FSTL4: variants seen among roughly 807,000 people sequenced by gnomAD.
The protein encoded by FSTL4 is follistatin-related protein 4.
Under a neutral mutation model 78.2 loss-of-function variants are expected in FSTL4, and 28 were observed. That is an observed-to-expected ratio of 0.36 (90% CI 0.27 to 0.49). The LOEUF (loss-of-function observed/expected upper bound fraction) is 0.49. Among genes scored for constraint, FSTL4 ranks in the 20% least tolerant of loss-of-function variants. The pLI is 0.98. For missense variants in FSTL4, 922 were observed against 1,084.9 expected (o/e 0.85, Z 2.11); for synonymous variants, 422 against 440.5 (o/e 0.96, Z 0.53).
At chr5:133,784,138 A>C in the FSTL4 span, among the ~76,000 whole-genome samples, 1 of 152,176 alleles carries the variant, frequency 6.6e-6, no homozygotes, top group African/African-American at 2.4e-5. Flanking sequence ...TAACATGAGA[A>C]GCTTTAGATA....
Position 133,499,487 on chromosome 5 carries a change from G to A in FSTL4, c.160+67699C>T, listed in dbSNP as rs146419330. Reference sequence around the variant, plus strand: ...CTGTGATCCGGGCTCTGAGGGTGGCGCGTCTAGTATCAGCTTGCACAAATT... The same window carrying A: ...CTGTGATCCGGGCTCTGAGGGTGGCACGTCTAGTATCAGCTTGCACAAATT... On this transcript the variant is annotated intron_variant, in intron 3 of 15. Coordinates refer to ENST00000265342, the MANE Select transcript of FSTL4 (RefSeq NM_015082.2). 7.6e-4 allele frequency among the ~76,000 whole-genome samples: 115 copies of A among 152,112 alleles called. 1 individual carries two copies. The highest frequency in any genetic ancestry group is 4.2e-3 in the South Asian group (20 of 4,812).
At position 133,281,648 on chromosome 5, in the gene FSTL4, C is replaced by T. The variant is rs141255298; in HGVS notation, c.727+31006G>A. Among the ~76,000 whole-genome samples the T allele has an allele frequency of 3.8e-3, 585 of 152,196 alleles. 6 individuals carry two copies. The highest frequency in any genetic ancestry group is 0.013 in the African/African-American group (530 of 41,524). On this transcript the variant is annotated intron_variant, in intron 6 of 15. Coordinates refer to ENST00000265342, the MANE Select transcript of FSTL4 (RefSeq NM_015082.2). ...TGGAAGGCTGTGATGGACAAGCAGA[C>T]GGAAGGGGAGTGGCCAGGGAGGGGT...
At chr5:133,767,617 G>A in the FSTL4 span, among the ~76,000 whole-genome samples, 2 of 152,232 alleles carry the variant, frequency 1.3e-5, no homozygotes, top group East Asian at 3.9e-4. Flanking sequence ...ATGAGTCAAG[G>A]GACAAGTGAG....
intron 4 of FSTL4, among the ~76,000 whole-genome samples, chr5:133,352,469 G>A (rs1274285332): frequency 6.6e-6 from 1 of 151,736 alleles, no homozygotes; most frequent in East Asian, 1.9e-4. Context: ...GAGTGTAGTG[G>A]TGTGATCTTG....
chr5:133,464,712 C>T (rs1757668394), intron 3 of FSTL4, among the ~76,000 whole-genome samples: 1 of 152,196 alleles, frequency 6.6e-6, no homozygotes, highest in Non-Finnish European at 1.5e-5. Context: ...ACCTGGAGGC[C>T]ACACAGAGTC....
At chr5:133,613,584 C>T (rs1391884942), upstream of FSTL4, among the ~76,000 whole-genome samples, 4 of 152,282 alleles carry the variant, frequency 2.6e-5, no homozygotes, top group South Asian at 6.2e-4. Context: ...ATTTTCCTGC[C>T]GCTGAACCCC....
intron 2 of FSTL4, among the ~76,000 whole-genome samples, chr5:133,572,488 A>C (rs1308589532): frequency 1.3e-5 from 2 of 152,142 alleles, no homozygotes; most frequent in Non-Finnish European, 2.9e-5. Context: ...AGACAAAAAA[A>C]CCCTGAGAGA....
chr5:133,638,155 T>A, the FSTL4 span, among the ~76,000 whole-genome samples: 57,988 of 151,666 alleles, frequency 0.38, 11,681 homozygotes, highest in Admixed American at 0.45. Context: ...TTTATCAGCA[T>A]ATCTTAGCTC....
intron 14 of FSTL4, among the ~76,000 whole-genome samples, chr5:133,206,994 T>A (rs566874368): frequency 6.6e-6 from 1 of 152,266 alleles, no homozygotes; most frequent in African/African-American, 2.4e-5. Flanking sequence ...TCCTCTTTGA[T>A]CCAATAGATA....
At chr5:133,684,187 G>A in the FSTL4 span, among the ~76,000 whole-genome samples, 19 of 152,212 alleles carry the variant, frequency 1.2e-4, no homozygotes, top group African/African-American at 4.3e-4. Context: ...TCAGTTAGAT[G>A]TCAAGCTCAG....
At chr5:133,452,592 A>T (rs1580718276) in intron 3 of FSTL4, among the ~76,000 whole-genome samples, 1 of 152,032 alleles carries the variant, frequency 6.6e-6, no homozygotes, top group East Asian at 1.9e-4. Flanking sequence ...AATCCTCACA[A>T]CTTCCTTATG....
At chr5:133,632,853 AT>A in the FSTL4 span, among the ~76,000 whole-genome samples, 2 of 151,650 alleles carry the variant, frequency 1.3e-5, no homozygotes, top group African/African-American at 2.4e-5. Flanking sequence ...CACTCAGCTA[AT>A]TTTTTTTGTA....
intron 6 of FSTL4, among the ~76,000 whole-genome samples, chr5:133,259,508 A>AT (rs1453730582): frequency 1.0e-4 from 13 of 129,028 alleles, no homozygotes; most frequent in Admixed American, 1.7e-4. Context: ...GATCAGAAGG[A>AT]TTTTTTTTTC....
chr5:133,370,785 G>C (rs1178949541), intron 4 of FSTL4, among the ~76,000 whole-genome samples: 1 of 152,122 alleles, frequency 6.6e-6, no homozygotes, highest in Non-Finnish European at 1.5e-5. Context: ...CAGAGCAGAG[G>C]GGGTGGTTTC....
At chr5:133,261,834 T>A (rs904145771) in intron 6 of FSTL4, among the ~76,000 whole-genome samples, 2 of 151,836 alleles carry the variant, frequency 1.3e-5, no homozygotes, top group African/African-American at 2.4e-5. Flanking sequence ...CTACAAAAAA[T>A]ACAAATAATT....
At chr5:133,248,256 C>T (rs2126821101) in intron 7 of FSTL4, 1 of 152,634 alleles carries the variant, frequency 6.6e-6, no homozygotes, top group South Asian at 2.1e-4. Flanking sequence ...AGGTCAGCTC[C>T]CTTTGCCCCA....
At chr5:133,411,315 C>T (rs1042950942) in intron 3 of FSTL4, among the ~76,000 whole-genome samples, 4 of 152,098 alleles carry the variant, frequency 2.6e-5, no homozygotes, top group African/African-American at 7.2e-5. Flanking sequence ...CAAAATGCCA[C>T]GAGAATCAAG....
chr5:133,288,274 G>C (rs765714269), intron 6 of FSTL4, among the ~76,000 whole-genome samples: 2 of 152,228 alleles, frequency 1.3e-5, no homozygotes, highest in African/African-American at 2.4e-5. Flanking sequence ...CCTTAGATGA[G>C]AGTTTTGGAG....
chr5:133,279,737 G>A (rs1752969563), intron 6 of FSTL4, among the ~76,000 whole-genome samples: 1 of 152,216 alleles, frequency 6.6e-6, no homozygotes, highest in Admixed American at 6.5e-5. Flanking sequence ...GTTGAGTAGT[G>A]TCCCCAACCC....
Sources: gnomAD v4.1 joint callset for allele counts (sites outside exome capture counted in the v4.1 genomes callset) on GRCh38, gnomAD v4.1.1 for gene constraint, MANE v1.5 for transcripts, NCBI Gene and HGNC (gene_info 2026-07-23, HGNC 2026-07-21) for gene names.